The following IGLON5 variants were observed in gnomAD, a reference collection of about 807,000 sequenced individuals.
IGLON5 encodes Ig-like domain-containing protein ENSP00000270642.
Under a neutral mutation model 38.2 loss-of-function variants are expected in IGLON5, and 16 were observed. That is an observed-to-expected ratio of 0.42 (90% CI 0.28 to 0.64). The LOEUF (loss-of-function observed/expected upper bound fraction) is 0.64. Among genes scored for constraint, IGLON5 ranks in the 30% least tolerant of loss-of-function variants. The pLI is 0.23. For synonymous variants in IGLON5, 207 were observed against 216.4 expected, an observed-to-expected ratio of 0.96 and a Z score of 0.38; for missense variants, 366 against 483.4, an observed-to-expected ratio of 0.76 and a Z score of 2.28.
chr19:51,322,813 T>C lies in IGLON5; in HGVS notation c.158+671T>C, dbSNP rs1053374524. On this transcript the variant is annotated intron_variant, in intron 2 of 7. Transcript: ENST00000270642. ...GTCTCTGCCCCCCTCTCTCTCTGGG[T>C]CTCTGTACCCCTCTCTCTGTGTGTC... Among the ~76,000 whole-genome samples, 4 of 151,338 alleles carry C rather than the reference T, an allele frequency of 2.6e-5. No individual in the cohort carries two copies. In the East Asian group the frequency reaches 5.9e-4, roughly 22 times the overall value.
intron 1 of IGLON5, 50 bp from the exon 2 acceptor site, chr19:51,322,014 C>T: frequency 2.0e-6 from 3 of 1,477,184 alleles, no homozygotes; most frequent in Non-Finnish European, 1.9e-6. Context: ...TGCTACCATG[C>T]CCGGGCCTTG....
In IGLON5 at chr19:51,313,926, C is replaced by A. The variant is rs553940568; in HGVS notation, c.79+2000C>A. 4.6e-5 allele frequency among the ~76,000 whole-genome samples: 7 copies of A among 151,908 alleles called. No individual in the cohort carries two copies. In the East Asian group the frequency reaches 1.2e-3, roughly 25 times the overall value. ...TTTCTTTGTAGAGATGGGGGTCTCA[C>A]TATATTGCCCAGACTAGTCTCAAAT... On this transcript the variant is annotated intron_variant, in intron 1 of 7. Coordinates refer to ENST00000270642, the MANE Select transcript of IGLON5 (RefSeq NM_001101372.3).
At chr19:51,313,757 A>T (rs1413917324) in intron 1 of IGLON5, among the ~76,000 whole-genome samples, 2 of 145,512 alleles carry the variant, frequency 1.4e-5, no homozygotes, top group African/African-American at 5.1e-5. Context: ...TGACTTTCTC[A>T]CCTAGGCTGG....
chr19:51,328,627 C>A, intron 7 of IGLON5, 44 bp from the exon 8 acceptor site: 1 of 1,314,820 alleles, frequency 7.6e-7, no homozygotes, highest in Non-Finnish European at 1.0e-6. Context: ...ACATGGGGTT[C>A]CCCACTCTCA....
At chr19:51,317,093 G>A (rs577210064) in intron 1 of IGLON5, among the ~76,000 whole-genome samples, 2 of 152,238 alleles carry the variant, frequency 1.3e-5, no homozygotes, top group South Asian at 2.1e-4. Context: ...CCAGCCCAAG[G>A]TCACTCAGCT....
At chr19:51,314,740 T>G (rs75079370) in intron 1 of IGLON5, among the ~76,000 whole-genome samples, 2,168 of 152,318 alleles carry the variant, frequency 0.014, 39 homozygotes, top group African/African-American at 0.037. Context: ...ATATGCAAAC[T>G]AGCATCTTCT....
In IGLON5 at chr19:51,327,442, G is replaced by A. The variant is rs1985246175; in HGVS notation, c.767+242G>A. ...TTCAGGGAGCTGGCCAGGGGTCGGG[G>A]GTCAATGCTGAGGATCTGTCGGGCA... is the stretch of plus-strand genomic sequence containing the variant. On this transcript the variant is annotated intron_variant, in intron 6 of 7. Transcript: ENST00000270642. The surrounding 1 kb of genome is among the most constrained non-coding windows in gnomAD (Gnocchi z 7.1). 6.6e-6 allele frequency among the ~76,000 whole-genome samples: 1 copy of A among 152,152 alleles called. No homozygotes were observed. Among genetic ancestry groups the A allele is most frequent in the African/African-American group, 2.4e-5 (1 of 41,426 alleles).
chr19:51,315,594 A>G (rs1219211481), intron 1 of IGLON5, among the ~76,000 whole-genome samples: 1 of 152,110 alleles, frequency 6.6e-6, no homozygotes, highest in Non-Finnish European at 1.5e-5. Flanking sequence ...AAAGAAGATA[A>G]AAGTGACTTG....
At chr19:51,317,874 G>T (rs1482768631) in intron 1 of IGLON5, among the ~76,000 whole-genome samples, 1 of 152,182 alleles carries the variant, frequency 6.6e-6, no homozygotes, top group Non-Finnish European at 1.5e-5. Context: ...GCTCACACTG[G>T]CCAGGAGTGG....
At chr19:51,323,602 G>T in intron 2 of IGLON5, 60 bp from the exon 3 acceptor site, 1 of 1,460,384 alleles carries the variant, frequency 6.8e-7, no homozygotes. Context: ...CACCCCCTCG[G>T]TGGGGGAAGC....
At position 51,322,098 on chromosome 19, in the gene IGLON5, T is replaced by A. The variant is rs377389403; in HGVS notation, c.114T>A (p.Pro38=). The A allele has an allele frequency of 3.7e-5, 60 of 1,613,398 alleles. No individual in the cohort carries two copies. The South Asian group carries it at 6.4e-4, about 17-fold the overall frequency. Residue 38 remains proline (P), a synonymous_variant, in exon 2 of 8, where the codon CCT becomes CCA. Coordinates refer to ENST00000270642, the MANE Select transcript of IGLON5 (RefSeq NM_001101372.3). ...CCCAGAGCCTGGAGTTCAACTCTCC[T>A]GCCGACAACTACACAGTGTGTGAAG... ...LLSQSLEFNS[P]ADNYTVCEGD...
chr19:51,319,609 T>C (rs1022565966), intron 1 of IGLON5, among the ~76,000 whole-genome samples: 1 of 152,108 alleles, frequency 6.6e-6, no homozygotes, highest in Non-Finnish European at 1.5e-5. Flanking sequence ...TGCAGCCATG[T>C]GTGGGGCTGT....
In IGLON5 at chr19:51,325,501, C is replaced by T; in HGVS notation, c.511+36C>T. 1 of 1,580,018 alleles carries T rather than the reference C, an allele frequency of 6.3e-7. No homozygotes were observed. Among genetic ancestry groups the T allele is most frequent in the East Asian group, 2.3e-5 (1 of 43,700 alleles). The stretch of plus-strand genomic sequence containing the variant: ...CATCCCAGGTCAAAAGCCCCGTCCC[C>T]CACTGCGCAGTCTGGGCCCCTCCAT... On this transcript the variant is annotated intron_variant, in intron 4 of 7. Transcript: ENST00000270642. This position sits in a 1 kb window ranked among gnomAD's most constrained non-coding sequence, Gnocchi z 5.5.
intron 1 of IGLON5, among the ~76,000 whole-genome samples, chr19:51,313,667 C>CTTTCTTTCT (rs1179914467): frequency 2.7e-5 from 2 of 73,418 alleles, no homozygotes; most frequent in Non-Finnish European, 5.1e-5. Flanking sequence ...TTCTTTCTTT[C>CTTTCTTTCT]TTTCTTTCTT....
chr19:51,327,133 G>T lies in IGLON5; in HGVS notation c.700G>T (p.Ala234Ser). The change falls in exon 6 of 8, where the codon GCC becomes TCC. Residue 234 changes from alanine (A) to serine (S), a missense_variant. Physicochemically the swap from Ala to Ser is moderately conservative, Grantham distance 99. Transcript: ENST00000270642. The surrounding 1 kb of genome is among the most constrained non-coding windows in gnomAD (Gnocchi z 7.1). ...CGCCCGCACCGCGCTGGGCCGGGCC[G>T]CCCTCCTGCGCTGCGAAGCCATGGC... is the stretch of plus-strand genomic sequence containing the variant. ...TSARTALGRA[A>S]LLRCEAMAVP... is the part of the protein sequence containing the mutation. 6.2e-7 allele frequency: 1 copy of T among 1,611,898 alleles called. No individual in the cohort carries two copies.
At chr19:51,326,302 A>ACCC (rs1178808825) in intron 4 of IGLON5, among the ~76,000 whole-genome samples, 1 of 151,536 alleles carries the variant, frequency 6.6e-6, no homozygotes, top group Non-Finnish European at 1.5e-5. Flanking sequence ...GTGTTATGAG[A>ACCC]CCCCCATATA....
Position 51,328,855 on chromosome 19 carries a change from A to G in IGLON5, c.*96A>G. 1 of 776,658 alleles carries G rather than the reference A, an allele frequency of 1.3e-6. No individual in the cohort carries two copies. Among genetic ancestry groups the G allele is most frequent in the Non-Finnish European group, 2.0e-6 (1 of 500,010 alleles). 48.1% of individuals were successfully genotyped at this position (776,658 alleles called of 1,614,324 possible). On this transcript the variant is annotated 3_prime_UTR_variant, in exon 8 of 8. Transcript: ENST00000270642. Reference sequence around the variant, plus strand: ...AGAGCCGTGGGTCTCGTGGGGGCAGAAGAGCTCTCGGCCACCAAGGAAGAA... The same window carrying G: ...AGAGCCGTGGGTCTCGTGGGGGCAGGAGAGCTCTCGGCCACCAAGGAAGAA...
At chr19:51,320,670 G>T (rs894549159) in intron 1 of IGLON5, among the ~76,000 whole-genome samples, 1 of 151,104 alleles carries the variant, frequency 6.6e-6, no homozygotes, top group African/African-American at 2.4e-5. Context: ...TGTCTGCAAA[G>T]GTTTGTGTGT....
chr19:51,318,271 C>T (rs1984969768), intron 1 of IGLON5, among the ~76,000 whole-genome samples: 1 of 152,134 alleles, frequency 6.6e-6, no homozygotes, highest in African/African-American at 2.4e-5. Context: ...TGGGCCAGGC[C>T]CAGTGTTGGG....
Sources: allele counts gnomAD v4.1 joint callset (sites outside exome capture counted in the v4.1 genomes callset), GRCh38; gene constraint gnomAD v4.1.1; non-coding constraint Gnocchi (gnomAD v3.1); transcripts MANE v1.5; gene names NCBI Gene and HGNC (gene_info 2026-07-23, HGNC 2026-07-21).